EPB41L4A: variants seen among roughly 807,000 people sequenced by gnomAD.
EPB41L4A encodes the protein band 4.1-like protein 4A.
EPB41L4A carries 100 observed loss-of-function variants against 108.6 expected under a neutral mutation model. The ratio of observed to expected loss-of-function variants is 0.92; its 90% confidence interval spans 0.78 to 1.09. EPB41L4A has a LOEUF of 1.09. Among genes scored for constraint, EPB41L4A ranks in the 50% least tolerant of loss-of-function variants. The probability of loss-of-function intolerance (pLI) is 0.00; values close to 1 mark genes in which losing one functional copy is unlikely to be tolerated. For missense variants in EPB41L4A, 1,030 were observed against 842.7 expected, an observed-to-expected ratio of 1.22 and a Z score of -2.75; for synonymous variants, 319 against 289.0, an observed-to-expected ratio of 1.10 and a Z score of -1.05.
chr5:112,253,207 C>T (rs1022520880), intron 9 of EPB41L4A, among the ~76,000 whole-genome samples: 1 of 152,150 alleles, frequency 6.6e-6, no homozygotes. Context: ...AATGAGTGAT[C>T]AAACTTGACA....
chr5:112,261,957 C>T lies in EPB41L4A; in HGVS notation c.642+537G>A, dbSNP rs575530692. 4.2e-5 allele frequency among the ~76,000 whole-genome samples: 6 copies of T among 143,422 alleles called. No homozygotes were observed. In the East Asian group the frequency reaches 8.5e-4, roughly 20 times the overall value. The allele number at this position is 143,422 out of a possible 152,430, so 94.1% of individuals were successfully genotyped here. A position where few individuals can be genotyped will look rare whatever the true frequency, so the allele number is the denominator to read the frequency against. On this transcript the variant is annotated intron_variant, in intron 7 of 22. Coordinates refer to ENST00000261486, the MANE Select transcript of EPB41L4A (RefSeq NM_022140.5). ...AGGCTGGAGTGCAGTGGCACGATCT[C>T]GGCTCACTGCAACCTCTGCCTCCCA... is the stretch of plus-strand genomic sequence containing the variant.
At chr5:112,178,813 G>A (rs905172592) in intron 18 of EPB41L4A, among the ~76,000 whole-genome samples, 1 of 151,744 alleles carries the variant, frequency 6.6e-6, no homozygotes, top group Non-Finnish European at 1.5e-5. Flanking sequence ...TATTGGAAAA[G>A]TAGAAAGGTT....
downstream of EPB41L4A, among the ~76,000 whole-genome samples, chr5:112,142,105 T>G (rs559846439): frequency 6.6e-6 from 1 of 152,308 alleles, no homozygotes; most frequent in East Asian, 1.9e-4. Context: ...TTTACCCTTT[T>G]GAGTTTCTTT....
chr5:112,339,506 A>ATCTATATC (rs1561585337), intron 1 of EPB41L4A, among the ~76,000 whole-genome samples: 9 of 44,464 alleles, frequency 2.0e-4, no homozygotes, highest in African/African-American at 7.2e-4. Context: ...CTATATATAT[A>ATCTATATC]TATAGATATA....
intron 2 of EPB41L4A, among the ~76,000 whole-genome samples, chr5:112,288,542 C>A (rs532169054): frequency 6.6e-6 from 1 of 152,314 alleles, no homozygotes; most frequent in South Asian, 2.1e-4. Flanking sequence ...AACTCCTAGG[C>A]AATAGGACCA....
chr5:112,192,971 A>AT (rs1384179653), intron 17 of EPB41L4A, among the ~76,000 whole-genome samples: 1 of 152,192 alleles, frequency 6.6e-6, no homozygotes, highest in East Asian at 1.9e-4. Context: ...GAAATACTGA[A>AT]TTTTTTATCA....
intron 1 of EPB41L4A, among the ~76,000 whole-genome samples, chr5:112,355,399 C>T (rs1465333192): frequency 6.6e-6 from 1 of 152,132 alleles, no homozygotes; most frequent in Non-Finnish European, 1.5e-5. Flanking sequence ...AGATCCTTCT[C>T]ATGAGAAAAA....
intron 17 of EPB41L4A, among the ~76,000 whole-genome samples, chr5:112,191,163 G>A (rs1208471959): frequency 6.6e-6 from 1 of 152,104 alleles, no homozygotes; most frequent in Non-Finnish European, 1.5e-5. Context: ...TATGAGAACA[G>A]TAAAGAAAGA....
intron 18 of EPB41L4A, among the ~76,000 whole-genome samples, chr5:112,177,185 G>C (rs902592838): frequency 4.6e-5 from 7 of 152,108 alleles, no homozygotes; most frequent in African/African-American, 1.7e-4. Flanking sequence ...CAAGGTGTTG[G>C]CATGGCTGCA....
intron 6 of EPB41L4A, chr5:112,264,200 C>T (rs1482419904): frequency 6.6e-6 from 1 of 152,134 alleles, no homozygotes; most frequent in Admixed American, 6.5e-5. Context: ...CAATGTTAAC[C>T]GGTGTAAAGA....
At chr5:112,254,057 C>G (rs897834026) in intron 9 of EPB41L4A, among the ~76,000 whole-genome samples, 2 of 152,130 alleles carry the variant, frequency 1.3e-5, no homozygotes, top group Non-Finnish European at 2.9e-5. Flanking sequence ...CCTTTTGGTT[C>G]TACATCCTGT....
intron 12 of EPB41L4A, among the ~76,000 whole-genome samples, chr5:112,223,466 C>A (rs1260337778): frequency 6.6e-6 from 1 of 152,096 alleles, no homozygotes; most frequent in Non-Finnish European, 1.5e-5. Context: ...GATAGTAAAG[C>A]AAAGGTGTGG....
chr5:112,152,428 G>T (rs1759504210), intron 12 of EPB41L4A, among the ~76,000 whole-genome samples: 1 of 152,136 alleles, frequency 6.6e-6, no homozygotes, highest in African/African-American at 2.4e-5. Flanking sequence ...CCTCCAAGGT[G>T]ATGGTATCAA....
At chr5:112,399,575 C>G (rs1380008495) in intron 1 of EPB41L4A, among the ~76,000 whole-genome samples, 3 of 152,200 alleles carry the variant, frequency 2.0e-5, no homozygotes, top group Non-Finnish European at 4.4e-5. Flanking sequence ...ATGCTGAATT[C>G]TAGCTCTCAT....
At chr5:112,206,212 T>C (rs1476120560) in intron 13 of EPB41L4A, 1 of 152,202 alleles carries the variant, frequency 6.6e-6, no homozygotes, top group African/African-American at 2.4e-5. Context: ...TCAGGAGTCT[T>C]AGCTTAAGAT....
intron 12 of EPB41L4A, among the ~76,000 whole-genome samples, chr5:112,154,201 C>T (rs1017576640): frequency 2.0e-5 from 3 of 152,170 alleles, no homozygotes; most frequent in African/African-American, 7.2e-5. Context: ...ACTACTGCGG[C>T]ATTAGAGAGC....
chr5:112,205,527 G>A (rs1438770548), intron 13 of EPB41L4A, 23 bp from the exon 14 acceptor site: 1 of 1,524,220 alleles, frequency 6.6e-7, no homozygotes, highest in Non-Finnish European at 9.0e-7. Flanking sequence ...AAAAAAGTAT[G>A]AGAAATAAAT....
chr5:112,395,431 C>T (rs1222752809), intron 1 of EPB41L4A, among the ~76,000 whole-genome samples: 4 of 152,122 alleles, frequency 2.6e-5, no homozygotes, highest in Admixed American at 6.5e-5. Flanking sequence ...AACAAGTGGG[C>T]GAAGGATATG....
At chr5:112,149,459 G>A (rs757286472) in intron 12 of EPB41L4A, among the ~76,000 whole-genome samples, 5 of 152,108 alleles carry the variant, frequency 3.3e-5, no homozygotes, top group Non-Finnish European at 7.4e-5. Flanking sequence ...GCAACAGACC[G>A]AGACTCCATT....
Sources: gnomAD v4.1 joint callset for allele counts (sites outside exome capture counted in the v4.1 genomes callset) on GRCh38, gnomAD v4.1.1 for gene constraint, MANE v1.5 for transcripts, NCBI Gene and HGNC (gene_info 2026-07-23, HGNC 2026-07-21) for gene names.